EIF3H: variants seen among roughly 807,000 people sequenced by gnomAD.
EIF3H encodes the protein eIF-3-gamma.
Under a neutral mutation model 44.2 loss-of-function variants are expected in EIF3H, and 26 were observed. The observed-to-expected ratio is 0.59, with a 90% CI of 0.43 to 0.82. The LOEUF is 0.82. EIF3H is among the 40% of genes least tolerant of loss of function. EIF3H has a pLI of 0.00. For synonymous variants in EIF3H, 166 were observed against 151.9 expected (o/e 1.09, Z -0.68); for missense variants, 359 against 432.8 (o/e 0.83, Z 1.51).
chr8:116,682,419 A>G (rs1814005104), intron 2 of EIF3H, among the ~76,000 whole-genome samples: 1 of 152,146 alleles, frequency 6.6e-6, no homozygotes, highest in Non-Finnish European at 1.5e-5. Flanking sequence ...CTCTTGCTTT[A>G]CTTTTACACA....
At chr8:116,690,435 T>A (rs1174330631) in intron 2 of EIF3H, among the ~76,000 whole-genome samples, 1 of 151,374 alleles carries the variant, frequency 6.6e-6, no homozygotes, top group Non-Finnish European at 1.5e-5. Flanking sequence ...CGGCTCACAC[T>A]TGTAATCCCA....
At chr8:116,679,858 T>TGG (rs1477014427) in intron 2 of EIF3H, among the ~76,000 whole-genome samples, 8 of 1,324 alleles carry the variant, frequency 6.0e-3, no homozygotes, top group South Asian at 0.036. Context: ...GGGAGGGAGG[T>TGG]GGGGGGGGTC....
At chr8:116,730,620 A>T (rs954642329) in intron 1 of EIF3H, among the ~76,000 whole-genome samples, 4 of 152,206 alleles carry the variant, frequency 2.6e-5, no homozygotes, top group African/African-American at 9.7e-5. Context: ...CCATGTATAT[A>T]TATTTCAAAG....
chr8:116,690,373 A>G (rs1814153218), intron 2 of EIF3H, among the ~76,000 whole-genome samples: 1 of 106,204 alleles, frequency 9.4e-6, no homozygotes, highest in African/African-American at 2.7e-5. Context: ...TATTGGAAAT[A>G]AACTAGAAAA....
At chr8:116,764,265 T>A (rs1815545947) in intron 1 of EIF3H, among the ~76,000 whole-genome samples, 1 of 152,218 alleles carries the variant, frequency 6.6e-6, no homozygotes, top group Non-Finnish European at 1.5e-5. Flanking sequence ...AATATTTTAA[T>A]AATGACATAA....
At chr8:116,680,310 C>A (rs1586452350) in intron 2 of EIF3H, among the ~76,000 whole-genome samples, 1 of 40,170 alleles carries the variant, frequency 2.5e-5, no homozygotes. Context: ...CCGGCCACGA[C>A]CCCGTCTGGG....
chr8:116,761,033 C>T (rs1414085271), intron 1 of EIF3H, among the ~76,000 whole-genome samples: 3 of 152,198 alleles, frequency 2.0e-5, no homozygotes, highest in African/African-American at 7.2e-5. Context: ...GTGTGAACTT[C>T]TCTATCAGTT....
intron 1 of EIF3H, among the ~76,000 whole-genome samples, chr8:116,729,259 C>G (rs1342515358): frequency 6.6e-6 from 1 of 152,022 alleles, no homozygotes; most frequent in Non-Finnish European, 1.5e-5. Context: ...CCTACATATG[C>G]AAAAGGGAAT....
chr8:116,708,439 C>A (rs1814509573), intron 2 of EIF3H, among the ~76,000 whole-genome samples: 1 of 151,872 alleles, frequency 6.6e-6, no homozygotes, highest in Non-Finnish European at 1.5e-5. Context: ...AACAAAGATA[C>A]CAATAAATAC....
intron 2 of EIF3H, among the ~76,000 whole-genome samples, chr8:116,666,035 C>T (rs921684748): frequency 6.6e-6 from 1 of 152,160 alleles, no homozygotes. Flanking sequence ...CACCCTGTGA[C>T]TGCTTAAAAA....
At chr8:116,765,916 C>T (rs1182913350) in exon 1 of EIF3H, 1 of 152,162 alleles carries the variant, frequency 6.6e-6, no homozygotes, top group Non-Finnish European at 1.5e-5. Flanking sequence ...ATGGTGGCAC[C>T]CTTTGCCCTG....
At chr8:116,698,491 A>G (rs1458441319) in intron 2 of EIF3H, among the ~76,000 whole-genome samples, 1 of 152,210 alleles carries the variant, frequency 6.6e-6, no homozygotes, top group Admixed American at 6.5e-5. Context: ...AGATCTAAAT[A>G]ATGTCATGAT....
At chr8:116,760,746 G>A (rs567484527), upstream of EIF3H, among the ~76,000 whole-genome samples, 1 of 152,266 alleles carries the variant, frequency 6.6e-6, no homozygotes, top group South Asian at 2.1e-4. Context: ...TTGAAAGCAT[G>A]TTTAATTTCT....
chr8:116,717,602 A>G (rs1037992997), intron 2 of EIF3H, among the ~76,000 whole-genome samples: 1 of 152,150 alleles, frequency 6.6e-6, no homozygotes, highest in African/African-American at 2.4e-5. Flanking sequence ...CCAAATACTT[A>G]GAGTTAACTG....
Position 116,648,790 on chromosome 8 carries a change from T to C in EIF3H, c.828+16A>G. On this transcript the variant is annotated intron_variant, in intron 6 of 7. Transcript: ENST00000521861. ...CTTAGAAATAGCTGTTTGTTGAATT[T>C]TTCCACAATACCAACCTGATGTTTC... is the stretch of plus-strand genomic sequence containing the variant. 5.8e-6 allele frequency: 9 copies of C among 1,558,894 alleles called. No individual in the cohort carries two copies. Among genetic ancestry groups the C allele is most frequent in the Non-Finnish European group, 7.8e-6 (9 of 1,153,502 alleles).
At chr8:116,666,744 A>G (rs1438815203) in intron 2 of EIF3H, among the ~76,000 whole-genome samples, 2 of 90,046 alleles carry the variant, frequency 2.2e-5, no homozygotes, top group African/African-American at 4.0e-5. Flanking sequence ...GAGAATCTTT[A>G]GTGTTAGGCA....
intron 2 of EIF3H, among the ~76,000 whole-genome samples, chr8:116,705,889 T>C (rs1428258261): frequency 1.3e-5 from 2 of 151,902 alleles, no homozygotes; most frequent in African/African-American, 2.4e-5. Context: ...TTGAAGGATA[T>C]AGGGGAACTC....
chr8:116,763,076 G>T (rs920109105), intron 1 of EIF3H, among the ~76,000 whole-genome samples: 6 of 152,212 alleles, frequency 3.9e-5, no homozygotes, highest in Non-Finnish European at 7.3e-5. Context: ...CATAGTCTGT[G>T]TCATATCTAT....
In EIF3H at chr8:116,642,979, A is replaced by T. The variant is rs1026807532; in HGVS notation, c.*2027T>A. Reference sequence around the variant, plus strand: ...GAATCACACCTTTAAAAACATATTGAATTGACTCAGTTAAATTACTCTTAA... The same window carrying T: ...GAATCACACCTTTAAAAACATATTGTATTGACTCAGTTAAATTACTCTTAA... On this transcript the variant is annotated 3_prime_UTR_variant, in exon 8 of 8. Transcript: ENST00000521861. The T allele has an allele frequency of 3.9e-5, 6 of 152,230 alleles. No homozygotes were observed. The highest frequency in any genetic ancestry group is 1.2e-4 in the African/African-American group (5 of 41,468). The allele number at this position is 152,230 out of a possible 1,614,324, so 9.4% of individuals were successfully genotyped here.
Sources: gnomAD v4.1 joint callset for allele counts (sites outside exome capture counted in the v4.1 genomes callset) on GRCh38, gnomAD v4.1.1 for gene constraint, MANE v1.5 for transcripts, NCBI Gene and HGNC (gene_info 2026-07-23, HGNC 2026-07-21) for gene names.